The following POU3F3 variants were observed in gnomAD, a reference collection of about 807,000 sequenced individuals.
POU3F3 encodes the protein POU domain, class 3, transcription factor 3.
POU3F3 carries 1 observed loss-of-function variant against 8.6 expected under a neutral mutation model. The ratio of observed to expected loss-of-function variants is 0.12; its 90% CI spans 0.04 to 0.55. The LOEUF is 0.55. Ranked by LOEUF, POU3F3 falls within the 20% of genes least tolerant of loss-of-function variation. The pLI, the probability that POU3F3 is intolerant of heterozygous loss-of-function variation, is 0.91. For missense variants in POU3F3, 577 were observed against 690.7 expected (o/e 0.84, Z 1.84); for synonymous variants, 418 against 327.4 (o/e 1.28, Z -2.99).
chr2:104,882,538 C>T, the POU3F3 span, among the ~76,000 whole-genome samples: 22 of 152,142 alleles, frequency 1.4e-4, no homozygotes, highest in Admixed American at 9.8e-4. Context: ...AGACATGAAC[C>T]GCTGCACCCT....
chr2:104,912,333 T>C, the POU3F3 span, among the ~76,000 whole-genome samples: 4 of 152,326 alleles, frequency 2.6e-5, no homozygotes, highest in South Asian at 2.1e-4. Context: ...ACCGGCATCA[T>C]TGGCCACTCC....
chr2:104,884,403 C>T, the POU3F3 span, among the ~76,000 whole-genome samples: 1 of 152,154 alleles, frequency 6.6e-6, no homozygotes, highest in Non-Finnish European at 1.5e-5. Flanking sequence ...GAAGGCTGGG[C>T]TCACATCGAC....
At chr2:104,879,592 G>A in the POU3F3 span, among the ~76,000 whole-genome samples, 1 of 152,168 alleles carries the variant, frequency 6.6e-6, no homozygotes, top group Non-Finnish European at 1.5e-5. Flanking sequence ...TGGTGATTGA[G>A]TCCTCTGGTG....
the POU3F3 span, among the ~76,000 whole-genome samples, chr2:104,869,485 C>T: frequency 6.6e-6 from 1 of 152,168 alleles, no homozygotes; most frequent in Non-Finnish European, 1.5e-5. Context: ...ATGTGGGTCT[C>T]CTGTAAGGTA....
At chr2:104,897,578 C>A in the POU3F3 span, among the ~76,000 whole-genome samples, 2 of 152,196 alleles carry the variant, frequency 1.3e-5, no homozygotes, top group Non-Finnish European at 2.9e-5. Context: ...CAAACACCCA[C>A]TCCAAGACCC....
At chr2:104,901,819 A>G in the POU3F3 span, among the ~76,000 whole-genome samples, 1 of 152,254 alleles carries the variant, frequency 6.6e-6, no homozygotes, top group African/African-American at 2.4e-5. Context: ...GGCCGGAGCC[A>G]CGGCCAGGTT....
chr2:104,887,229 A>G, the POU3F3 span, among the ~76,000 whole-genome samples: 1 of 152,128 alleles, frequency 6.6e-6, no homozygotes, highest in African/African-American at 2.4e-5. Context: ...AATTTGTTTT[A>G]TCAGCAAGGT....
chr2:104,902,594 G>C, the POU3F3 span, among the ~76,000 whole-genome samples: 6 of 152,232 alleles, frequency 3.9e-5, no homozygotes, highest in African/African-American at 1.4e-4. Flanking sequence ...CTTTCCTGCT[G>C]TACCGATAGG....
rs2104341844 is a variant in POU3F3 at position 104,857,297 on chromosome 2, A to G, written c.*284A>G. 1 of 163,968 alleles carries G rather than the reference A, an allele frequency of 6.1e-6. No homozygotes were observed. The highest frequency in any genetic ancestry group is 1.9e-4 in the East Asian group (1 of 5,216). 10.2% of individuals were successfully genotyped at this position (163,968 alleles called of 1,614,324 possible). A position where few individuals can be genotyped will look rare whatever the true frequency, so the allele number is the denominator to read the frequency against. ...GGAGGGGCCAAAAAATAAAAAGCAT[A>G]ATAAACACCCAGACTGTTTTGTATA... is the stretch of plus-strand genomic sequence containing the variant. On this transcript the variant is annotated 3_prime_UTR_variant, in exon 1 of 1. Transcript: ENST00000361360.
the POU3F3 span, among the ~76,000 whole-genome samples, chr2:104,896,450 G>A: frequency 6.6e-6 from 1 of 152,228 alleles, no homozygotes; most frequent in Non-Finnish European, 1.5e-5. Flanking sequence ...TTGTGAGGGA[G>A]GTTCTACGAG....
At chr2:104,891,537 A>C in the POU3F3 span, among the ~76,000 whole-genome samples, 3 of 152,174 alleles carry the variant, frequency 2.0e-5, no homozygotes, top group Non-Finnish European at 4.4e-5. Flanking sequence ...AGCACAAATC[A>C]ATCGGAAGAG....
rs759817331 is a variant in POU3F3, at chr2:104,856,932, C to A, written c.1422C>A (p.Pro474=). 6.2e-7 allele frequency: 1 copy of A among 1,613,476 alleles called. No individual in the cohort carries two copies. Among genetic ancestry groups the A allele is most frequent in the Non-Finnish European group, 8.5e-7 (1 of 1,179,916 alleles). Reference sequence around the variant, plus strand: ...CGCCCGGGATCCAACAGCAGACGCCCGACGACGTCTACTCGCAGGTGGGCA... The same window carrying A: ...CGCCCGGGATCCAACAGCAGACGCCAGACGACGTCTACTCGCAGGTGGGCA... ...MTPPGIQQQT[P]DDVYSQVGTV... Residue 474 remains proline, a synonymous_variant, in exon 1 of 1, where the codon CCC becomes CCA. Coordinates refer to ENST00000361360, the MANE Select transcript of POU3F3 (RefSeq NM_006236.3).
At chr2:104,880,242 G>A in the POU3F3 span, among the ~76,000 whole-genome samples, 11 of 152,132 alleles carry the variant, frequency 7.2e-5, no homozygotes, top group Admixed American at 7.2e-4. Context: ...TCCACAGCCA[G>A]GAGGATGGAA....
At chr2:104,911,058 A>G in the POU3F3 span, among the ~76,000 whole-genome samples, 1 of 152,118 alleles carries the variant, frequency 6.6e-6, no homozygotes, top group African/African-American at 2.4e-5. Context: ...ATGGATTTTG[A>G]TAGCCCAAGG....
At chr2:104,863,879 C>G in the POU3F3 span, among the ~76,000 whole-genome samples, 263 of 152,316 alleles carry the variant, frequency 1.7e-3, no homozygotes, top group Admixed American at 5.6e-3. Context: ...GGGAAGACAC[C>G]GAGGTCTAGG....
chr2:104,868,004 GC>G, the POU3F3 span: 1 of 346,062 alleles, frequency 2.9e-6, no homozygotes. Flanking sequence ...GTAACCCTGG[GC>G]CCCGACCTCC....
chr2:104,893,355 T>C, the POU3F3 span, among the ~76,000 whole-genome samples: 1 of 152,164 alleles, frequency 6.6e-6, no homozygotes, highest in Non-Finnish European at 1.5e-5. Flanking sequence ...CCTGGGCCAG[T>C]GTCCTGAGCA....
In POU3F3 at chr2:104,855,756, G is replaced by A; in HGVS notation, c.246G>A (p.Met82Ile). ...AGAGCGACTTCATGCAGGGGGCCAT[G>A]GCCGCCAGCAACGGCGGCCATATGC... ...MVQSDFMQGA[M>I]AASNGGHMLS... is the part of the protein sequence containing the mutation. Residue 82 changes from methionine (M) to isoleucine (I), a missense_variant, in exon 1 of 1, where the codon ATG (methionine) becomes ATA (isoleucine). Transcript: ENST00000361360. 7.5e-7 allele frequency: 1 copy of A among 1,325,242 alleles called. No individual in the cohort carries two copies. The allele number at this position is 1,325,242 out of a possible 1,614,324, so 82.1% of individuals were successfully genotyped here.
At chr2:104,900,888 G>T in the POU3F3 span, among the ~76,000 whole-genome samples, 1 of 152,176 alleles carries the variant, frequency 6.6e-6, no homozygotes, top group East Asian at 1.9e-4. Flanking sequence ...TCGGATGTTG[G>T]CCCTAATAAA....
Sources: allele counts gnomAD v4.1 joint callset (sites outside exome capture counted in the v4.1 genomes callset), GRCh38; gene constraint gnomAD v4.1.1; transcripts MANE v1.5; gene names NCBI Gene and HGNC (gene_info 2026-07-23, HGNC 2026-07-21).